The following DNAH11 variants were observed in gnomAD, a reference collection of about 807,000 sequenced individuals.
DNAH11 encodes dynein axonemal heavy chain 11.
Under a neutral mutation model 526.0 loss-of-function variants are expected in DNAH11, and 442 were observed. That is an observed-to-expected ratio of 0.84 (90% CI 0.78 to 0.91). The LOEUF is 0.91. Among genes scored for constraint, DNAH11 ranks in the 40% least tolerant of loss-of-function variants. The pLI is 0.00. For missense variants in DNAH11, 6,989 were observed against 5,448.7 expected, an observed-to-expected ratio of 1.28 and a Z score of -8.90; for synonymous variants, 2,461 against 1,935.9, an observed-to-expected ratio of 1.27 and a Z score of -7.12.
At chr7:21,858,673 C>T (rs890599543) in intron 68 of DNAH11, among the ~76,000 whole-genome samples, 1 of 152,142 alleles carries the variant, frequency 6.6e-6, no homozygotes, top group African/African-American at 2.4e-5. Context: ...CAAAATTATT[C>T]TACAGTGACA....
intron 75 of DNAH11, 64 bp from the exon 76 acceptor site, chr7:21,884,227 T>C: frequency 6.8e-7 from 1 of 1,467,186 alleles, no homozygotes; most frequent in Non-Finnish European, 9.1e-7. Flanking sequence ...CACGTGCTAC[T>C]GGTTGGCTAC....
rs1378217183 is a variant in DNAH11, at chr7:21,901,253, A to G, written c.13550A>G (p.Ter4517=). The change falls in exon 82 of 82, where the codon TAA becomes TGA. Residue 4517 remains the stop codon, a stop_retained_variant. Transcript: ENST00000409508. Reference sequence around the variant, plus strand: ...GGAGTGGCTCTGCTTCTAGAAGCGTAAGGTAACACTGGCATTCCTCTAGCC... The same window carrying G: ...GGAGTGGCTCTGCTTCTAGAAGCGTGAGGTAACACTGGCATTCCTCTAGCC... The part of the protein sequence containing the change: ...LAGVALLLEA[*] 3 of 1,601,100 alleles carry G rather than the reference A, an allele frequency of 1.9e-6. No individual in the cohort carries two copies. Among genetic ancestry groups the G allele is most frequent in the Admixed American group, 1.7e-5 (1 of 59,350 alleles).
chr7:21,671,873 T>C (rs1308571085), intron 30 of DNAH11, among the ~76,000 whole-genome samples: 1 of 152,214 alleles, frequency 6.6e-6, no homozygotes, highest in Non-Finnish European at 1.5e-5. Context: ...TTTCCATTAG[T>C]GTCAAGAATC....
At chr7:21,592,641 C>T (rs1002567211) in intron 14 of DNAH11, among the ~76,000 whole-genome samples, 6 of 152,204 alleles carry the variant, frequency 3.9e-5, no homozygotes, top group African/African-American at 1.4e-4. Flanking sequence ...CAGGGAGACT[C>T]TTCAGAGCCT....
intron 63 of DNAH11, among the ~76,000 whole-genome samples, chr7:21,814,011 A>G (rs1489981309): frequency 6.6e-6 from 1 of 152,240 alleles, no homozygotes; most frequent in Non-Finnish European, 1.5e-5. Context: ...AGCCTATTAC[A>G]CACCTAGGCT....
At chr7:21,547,368 G>A (rs775367429) in intron 2 of DNAH11, among the ~76,000 whole-genome samples, 2 of 152,178 alleles carry the variant, frequency 1.3e-5, no homozygotes, top group African/African-American at 2.4e-5. Flanking sequence ...TCGGAGACAC[G>A]CAGTACAGCA....
At chr7:21,569,015 A>G (rs796425866) in intron 6 of DNAH11, among the ~76,000 whole-genome samples, 2 of 152,208 alleles carry the variant, frequency 1.3e-5, no homozygotes, top group Admixed American at 6.5e-5. Flanking sequence ...ACAGGGAAAT[A>G]AAAGCATAGA....
chr7:21,564,947 C>T (rs1298832588), intron 6 of DNAH11, among the ~76,000 whole-genome samples: 1 of 152,026 alleles, frequency 6.6e-6, no homozygotes, highest in Non-Finnish European at 1.5e-5. Context: ...GTGTCCTCAT[C>T]CTGTCTGTGT....
At chr7:21,794,311 A>G (rs2127990716) in intron 61 of DNAH11, among the ~76,000 whole-genome samples, 1 of 152,142 alleles carries the variant, frequency 6.6e-6, no homozygotes, top group East Asian at 1.9e-4. Context: ...TCTCTTGTGG[A>G]TATACTTCTA....
At position 21,873,438 on chromosome 7, in the gene DNAH11, C is replaced by A. The variant is rs1375468559; in HGVS notation, c.12132C>A (p.Ile4044=). Residue 4044 remains isoleucine (I), a synonymous_variant, in exon 74 of 82, where the codon ATC becomes ATA. Transcript: ENST00000409508. ...PQGLLENSIK[I]TNEPPTGMLA... Reference sequence around the variant, plus strand: ...GACTCCTGGAAAATTCCATTAAGATCACTAATGAACCCCCAACAGGGATGC... The same window carrying A: ...GACTCCTGGAAAATTCCATTAAGATAACTAATGAACCCCCAACAGGGATGC... The A allele has an allele frequency of 1.2e-6, 2 of 1,613,952 alleles. No individual in the cohort carries two copies. Among genetic ancestry groups the A allele is most frequent in the East Asian group, 2.2e-5 (1 of 44,880 alleles).
chr7:21,877,843 C>T (rs992392404), intron 74 of DNAH11, among the ~76,000 whole-genome samples: 2 of 131,410 alleles, frequency 1.5e-5, no homozygotes, highest in Non-Finnish European at 3.1e-5. Context: ...CTACTGCACT[C>T]CAGCCTGGGC....
chr7:21,549,857 G>C (rs915619479), intron 2 of DNAH11, among the ~76,000 whole-genome samples: 5 of 152,186 alleles, frequency 3.3e-5, no homozygotes, highest in Admixed American at 1.3e-4. Context: ...ACTTGAGAGA[G>C]CTGTTTCTGA....
At chr7:21,850,158 C>A (rs1033344152) in intron 66 of DNAH11, among the ~76,000 whole-genome samples, 2 of 151,248 alleles carry the variant, frequency 1.3e-5, no homozygotes, top group African/African-American at 4.9e-5. Context: ...AGATTGAGAC[C>A]ATCCTGGCTA....
intron 28 of DNAH11, among the ~76,000 whole-genome samples, chr7:21,646,851 A>G (rs1787375701): frequency 1.3e-5 from 2 of 152,194 alleles, no homozygotes; most frequent in Admixed American, 6.5e-5. Flanking sequence ...TATGCCAGGA[A>G]AAAAATCTCA....
intron 68 of DNAH11, among the ~76,000 whole-genome samples, chr7:21,859,836 G>C (rs1315100243): frequency 2.0e-5 from 3 of 152,100 alleles, no homozygotes; most frequent in Non-Finnish European, 4.4e-5. Context: ...AAAGGAAGAA[G>C]AGGTGACCAA....
chr7:21,882,669 C>T (rs117006376), intron 75 of DNAH11, among the ~76,000 whole-genome samples: 2,952 of 152,174 alleles, frequency 0.019, 32 homozygotes, highest in Middle Eastern at 0.037. Context: ...TGGTGATGCA[C>T]GCCTGTAGTT....
At chr7:21,763,332 A>C in intron 54 of DNAH11, among the ~76,000 whole-genome samples, 1 of 127,248 alleles carries the variant, frequency 7.9e-6, no homozygotes, top group South Asian at 2.7e-4. Context: ...ACAGAGCAAG[A>C]CTGTCTCAAA....
intron 58 of DNAH11, 148 bp from the exon 59 acceptor site, chr7:21,786,476 G>T (rs1788198411): frequency 6.8e-6 from 6 of 881,316 alleles, no homozygotes; most frequent in Non-Finnish European, 9.9e-6. Flanking sequence ...CCAAGGTGGA[G>T]TCCCCAGGTG....
intron 54 of DNAH11, among the ~76,000 whole-genome samples, chr7:21,763,937 A>C (rs6978510): frequency 1.3e-5 from 2 of 151,570 alleles, no homozygotes; most frequent in African/African-American, 4.9e-5. Context: ...AGCCAGTCAC[A>C]GAAGGACAAT....
Sources: gnomAD v4.1 joint callset for allele counts (sites outside exome capture counted in the v4.1 genomes callset) on GRCh38, gnomAD v4.1.1 for gene constraint, MANE v1.5 for transcripts, NCBI Gene and HGNC (gene_info 2026-07-23, HGNC 2026-07-21) for gene names.